MAP3K2: variants seen among roughly 807,000 people sequenced by gnomAD.
MAP3K2 encodes the protein MAP/ERK kinase kinase 2.
In MAP3K2, 24 loss-of-function variants were observed where a neutral mutation model predicts 80.3. That is an observed-to-expected ratio of 0.30 (90% CI 0.22 to 0.42). The LOEUF (loss-of-function observed/expected upper bound fraction) is 0.42. Among genes scored for constraint, MAP3K2 ranks in the 10% least tolerant of loss-of-function variants. The pLI is 1.00. For missense variants in MAP3K2, 608 were observed against 750.1 expected (o/e 0.81, Z 2.21); for synonymous variants, 244 against 253.7 (o/e 0.96, Z 0.36).
chr2:127,340,972 C>A (rs1379513412), intron 2 of MAP3K2, among the ~76,000 whole-genome samples: 2 of 151,848 alleles, frequency 1.3e-5, no homozygotes, highest in African/African-American at 2.4e-5. Context: ...TTTATAAATA[C>A]TTCTTTCTTT....
intron 13 of MAP3K2, among the ~76,000 whole-genome samples, 161 bp from the exon 14 acceptor site, chr2:127,317,921 G>T (rs1471311775): frequency 3.3e-5 from 5 of 152,094 alleles, no homozygotes; most frequent in Admixed American, 2.6e-4. Context: ...AGTCCTTGAT[G>T]ATATGCTAAA....
Position 127,324,185 on chromosome 2 carries a change from TG to T in MAP3K2, c.733del (p.Gln245ArgfsTer55). On this transcript the variant is annotated frameshift_variant, in exon 10 of 17. Coordinates refer to ENST00000682094, the MANE Select transcript of MAP3K2 (RefSeq NM_001371910.2). LOFTEE classifies it high-confidence loss of function. Reference protein sequence around the residue: ...PRAQSYPDNHQEFSDYDNPIF... With the variant: ...PRAQSYPDNHXEFSDYDNPIF... Reference sequence around the variant, plus strand: ...TTATAAAGTCTAACCTGAAAATTCCTGATGATTATCTGGGTAGCTCTGAGCC... The same window carrying T: ...TTATAAAGTCTAACCTGAAAATTCCTATGATTATCTGGGTAGCTCTGAGCC... 1 of 1,553,836 alleles carries T rather than the reference TG, an allele frequency of 6.4e-7. No individual in the cohort carries two copies. The highest frequency in any genetic ancestry group is 8.7e-7 in the Non-Finnish European group (1 of 1,150,054).
At chr2:127,366,671 T>C (rs999881802) in intron 1 of MAP3K2, among the ~76,000 whole-genome samples, 2 of 152,070 alleles carry the variant, frequency 1.3e-5, no homozygotes, top group African/African-American at 4.8e-5. Context: ...GTACAATTTT[T>C]CCAATACTTT....
At chr2:127,328,593 T>C (rs1407632128) in intron 7 of MAP3K2, among the ~76,000 whole-genome samples, 1 of 152,192 alleles carries the variant, frequency 6.6e-6, no homozygotes, top group Non-Finnish European at 1.5e-5. Flanking sequence ...TATCGAAATA[T>C]ATCTGAATGC....
intron 1 of MAP3K2, among the ~76,000 whole-genome samples, chr2:127,372,037 C>T: frequency 6.6e-6 from 1 of 152,170 alleles, no homozygotes; most frequent in East Asian, 1.9e-4. Context: ...ACTGGACTTA[C>T]TCTGCCCCGA....
chr2:127,357,349 C>T (rs192993565), intron 1 of MAP3K2, among the ~76,000 whole-genome samples: 3 of 152,238 alleles, frequency 2.0e-5, no homozygotes, highest in East Asian at 3.9e-4. Flanking sequence ...ATCAGCTGGG[C>T]ATGGTGCCAT....
intron 5 of MAP3K2, among the ~76,000 whole-genome samples, chr2:127,333,277 A>AACACACAC (rs35382458): frequency 2.3e-4 from 33 of 144,888 alleles, no homozygotes; most frequent in African/African-American, 6.6e-4. Flanking sequence ...CAACCCTCAT[A>AACACACAC]ACACACACAC....
At chr2:127,344,818 C>T (rs914849017) in intron 1 of MAP3K2, among the ~76,000 whole-genome samples, 1 of 152,186 alleles carries the variant, frequency 6.6e-6, no homozygotes, top group Non-Finnish European at 1.5e-5. Context: ...ATCCAAAAAA[C>T]TTCTGGTCCC....
rs766802019 is a variant in MAP3K2 at position 127,338,944 on chromosome 2, T to G, written c.111A>C (p.Ser37=). The G allele has an allele frequency of 1.2e-5, 20 of 1,604,398 alleles. No individual in the cohort carries two copies. The highest frequency in any genetic ancestry group is 1.7e-6 in the Non-Finnish European group (2 of 1,174,818). Reference sequence around the variant, plus strand: ...TTAAAATAAATACCTGTTTTTTTGGTGATGAAGATTTTGCTTTTCTGGTTT... The same window carrying G: ...TTAAAATAAATACCTGTTTTTTTGGGGATGAAGATTTTGCTTTTCTGGTTT... The part of the protein sequence containing the change: ...LQETRKAKSS[S]PKKQNDVRVK... The change falls in exon 3 of 17, where the codon TCA becomes TCC. Residue 37 remains serine, a synonymous_variant. Coordinates refer to ENST00000682094, the MANE Select transcript of MAP3K2 (RefSeq NM_001371910.2).
At chr2:127,373,547 T>C (rs1157809183) in intron 1 of MAP3K2, among the ~76,000 whole-genome samples, 5 of 152,316 alleles carry the variant, frequency 3.3e-5, no homozygotes, top group African/African-American at 1.2e-4. Flanking sequence ...TAGACTCTCC[T>C]AGGTATTTAA....
intron 1 of MAP3K2, among the ~76,000 whole-genome samples, chr2:127,380,557 G>T (rs1436311953): frequency 6.6e-6 from 1 of 152,108 alleles, no homozygotes; most frequent in African/African-American, 2.4e-5. Flanking sequence ...GGAATCTAAA[G>T]ATTCTAACCC....
intron 16 of MAP3K2, among the ~76,000 whole-genome samples, chr2:127,308,302 GTAAC>G (rs1263979114): frequency 2.0e-5 from 3 of 152,120 alleles, no homozygotes; most frequent in Non-Finnish European, 4.4e-5. Flanking sequence ...GACAAACAAA[GTAAC>G]TATTTATTTA....
rs1450240582 is a variant in MAP3K2, at chr2:127,302,542, T to C, written c.*5037A>G. On this transcript the variant is annotated 3_prime_UTR_variant, in exon 17 of 17. Transcript: ENST00000682094. ...ACTTTTCTGTGAGTATTACCCAAAA[T>C]GTTAGCTGAGAATTAAGGACTAGAA... The C allele has an allele frequency of 6.6e-6, 1 of 152,082 alleles. No homozygotes were observed. The highest frequency in any genetic ancestry group is 2.4e-5 in the African/African-American group (1 of 41,420). 9.4% of individuals were successfully genotyped at this position (152,082 alleles called of 1,614,324 possible).
chr2:127,317,269 T>G (rs1419733079), intron 14 of MAP3K2, among the ~76,000 whole-genome samples: 2 of 152,090 alleles, frequency 1.3e-5, no homozygotes, highest in African/African-American at 4.8e-5. Flanking sequence ...TTTTAAGAAT[T>G]ATAAAAAATT....
At position 127,304,858 on chromosome 2, in the gene MAP3K2, T is replaced by C. The variant is rs907646463; in HGVS notation, c.*2721A>G. Reference sequence around the variant, plus strand: ...ATATATTAACTTTTATTGTGGTTTTTGGTACCTTCACAACTTGTTTGAAAT... The same window carrying C: ...ATATATTAACTTTTATTGTGGTTTTCGGTACCTTCACAACTTGTTTGAAAT... On this transcript the variant is annotated 3_prime_UTR_variant, in exon 17 of 17. Coordinates refer to ENST00000682094, the MANE Select transcript of MAP3K2 (RefSeq NM_001371910.2). The C allele has an allele frequency of 2.6e-5, 4 of 152,558 alleles. No individual in the cohort carries two copies. The highest frequency in any genetic ancestry group is 5.9e-5 in the Non-Finnish European group (4 of 67,988). 9.5% of individuals were successfully genotyped at this position (152,558 alleles called of 1,614,324 possible).
intron 14 of MAP3K2, among the ~76,000 whole-genome samples, 157 bp downstream of exon 14, chr2:127,317,472 G>C (rs564057692): frequency 6.6e-6 from 1 of 152,186 alleles, no homozygotes; most frequent in South Asian, 2.1e-4. Context: ...AAAGACAGAG[G>C]AAGAGGATAG....
At chr2:127,342,415 G>GTA (rs1686513150) in intron 2 of MAP3K2, among the ~76,000 whole-genome samples, 1 of 138,320 alleles carries the variant, frequency 7.2e-6, no homozygotes, top group Non-Finnish European at 1.6e-5. Flanking sequence ...GTGTGTGTGT[G>GTA]TGTGTGTATT....
Position 127,302,779 on chromosome 2 carries a change from G to A in MAP3K2, c.*4800C>T, listed in dbSNP as rs1021334992. ...AAACATTTACATGTCTCTTTAGAAC[G>A]AGAATACCTCTTTCTATGCTTGTGT... On this transcript the variant is annotated 3_prime_UTR_variant, in exon 17 of 17. Coordinates refer to ENST00000682094, the MANE Select transcript of MAP3K2 (RefSeq NM_001371910.2). The A allele has an allele frequency of 6.6e-6, 1 of 152,164 alleles. No individual in the cohort carries two copies. The highest frequency in any genetic ancestry group is 6.6e-5 in the Admixed American group (1 of 15,264). The allele number at this position is 152,164 out of a possible 1,614,324, so 9.4% of individuals were successfully genotyped here.
At position 127,298,748 on chromosome 2, in the gene MAP3K2, T is replaced by C. The variant is rs1268099620; in HGVS notation, c.*8831A>G. The C allele has an allele frequency of 1.3e-5, 2 of 152,202 alleles. No homozygotes were observed. Among genetic ancestry groups the C allele is most frequent in the Admixed American group, 1.3e-4 (2 of 15,278 alleles). 9.4% of individuals were successfully genotyped at this position (152,202 alleles called of 1,614,324 possible). On this transcript the variant is annotated 3_prime_UTR_variant, in exon 17 of 17. Coordinates refer to ENST00000682094, the MANE Select transcript of MAP3K2 (RefSeq NM_001371910.2). ...TTCATTCCATAGTCCAGAAGGTTAC[T>C]TATTAGAGTAAGCCTTTGCACCACA...
Sources: gnomAD v4.1 joint callset for allele counts (sites outside exome capture counted in the v4.1 genomes callset) on GRCh38, gnomAD v4.1.1 for gene constraint, MANE v1.5 for transcripts, NCBI Gene and HGNC (gene_info 2026-07-23, HGNC 2026-07-21) for gene names.